Variants in PLXDC2 observed in about 807,000 individuals in gnomAD.
The protein encoded by PLXDC2 is plexin domain-containing protein 2.
In PLXDC2, 40 loss-of-function variants were observed where a neutral mutation model predicts 68.9. The observed-to-expected ratio is 0.58, with a 90% CI of 0.45 to 0.76. The LOEUF (loss-of-function observed/expected upper bound fraction) is 0.76, where lower values mean the gene tolerates loss of function less well. PLXDC2 is among the 30% of genes least tolerant of loss of function. The pLI, the probability that PLXDC2 is intolerant of heterozygous loss-of-function variation, is 0.00. For synonymous variants in PLXDC2, 243 were observed against 234.2 expected (o/e 1.04, Z -0.34); for missense variants, 644 against 661.9 (o/e 0.97, Z 0.30).
intron 4 of PLXDC2, among the ~76,000 whole-genome samples, chr10:20,107,144 A>G (rs1161188738): frequency 6.6e-6 from 1 of 150,890 alleles, no homozygotes; most frequent in Admixed American, 6.6e-5. Flanking sequence ...TATGTATTCT[A>G]CATTATGTAC....
intron 4 of PLXDC2, among the ~76,000 whole-genome samples, chr10:20,098,275 C>A (rs767722748): frequency 2.0e-5 from 3 of 152,032 alleles, no homozygotes; most frequent in South Asian, 4.2e-4. Context: ...AAGACCTTCA[C>A]TTGTGACCAC....
chr10:19,852,888 C>G (rs1383648550), intron 1 of PLXDC2, among the ~76,000 whole-genome samples: 1 of 152,142 alleles, frequency 6.6e-6, no homozygotes, highest in African/African-American at 2.4e-5. Flanking sequence ...TCAAATTGTA[C>G]TGATAGTTCT....
chr10:19,914,907 G>T, intron 1 of PLXDC2, among the ~76,000 whole-genome samples: 1 of 152,198 alleles, frequency 6.6e-6, no homozygotes, highest in Admixed American at 6.5e-5. Flanking sequence ...ACTTTATGTG[G>T]TATTAATGTA....
chr10:20,004,902 G>A (rs1010468627), intron 2 of PLXDC2, among the ~76,000 whole-genome samples: 1 of 152,162 alleles, frequency 6.6e-6, no homozygotes, highest in Non-Finnish European at 1.5e-5. Flanking sequence ...TGGCCCAGGG[G>A]ACTGTTTGGT....
chr10:19,944,498 A>C (rs536582931), intron 1 of PLXDC2, among the ~76,000 whole-genome samples: 100 of 152,318 alleles, frequency 6.6e-4, no homozygotes, highest in Non-Finnish European at 1.1e-3. Context: ...AGGCAAATTA[A>C]ATTGACAGAG....
chr10:20,230,303 T>G (rs1358845366), intron 12 of PLXDC2, among the ~76,000 whole-genome samples: 2 of 152,082 alleles, frequency 1.3e-5, no homozygotes, highest in East Asian at 3.9e-4. Context: ...CTGGAATGCC[T>G]ATATAAATAT....
At chr10:20,162,618 C>G (rs1834320005) in intron 6 of PLXDC2, among the ~76,000 whole-genome samples, 1 of 152,000 alleles carries the variant, frequency 6.6e-6, no homozygotes. Context: ...TTTCCATCTT[C>G]TTGTATGTTT....
chr10:20,049,976 G>C (rs112407213), intron 3 of PLXDC2, among the ~76,000 whole-genome samples: 1 of 152,148 alleles, frequency 6.6e-6, no homozygotes, highest in Non-Finnish European at 1.5e-5. Context: ...CAGGGCTGAA[G>C]TAACCAAAAC....
intron 1 of PLXDC2, among the ~76,000 whole-genome samples, chr10:19,835,861 G>A (rs995219515): frequency 1.1e-4 from 16 of 152,032 alleles, no homozygotes; most frequent in Non-Finnish European, 1.6e-4. Context: ...GGTGGATGAC[G>A]TGCCAGCCTT....
chr10:20,029,356 T>A (rs1021987901), intron 2 of PLXDC2, among the ~76,000 whole-genome samples: 1 of 152,148 alleles, frequency 6.6e-6, no homozygotes, highest in Non-Finnish European at 1.5e-5. Flanking sequence ...ACATAATCCA[T>A]GCATCATGAA....
At chr10:20,153,469 G>A (rs1834176982) in intron 6 of PLXDC2, among the ~76,000 whole-genome samples, 1 of 152,072 alleles carries the variant, frequency 6.6e-6, no homozygotes, top group Non-Finnish European at 1.5e-5. Context: ...ATAACTACCT[G>A]AAGTTTTCAG....
chr10:20,092,923 C>T (rs1166940054), intron 4 of PLXDC2, among the ~76,000 whole-genome samples: 2 of 152,092 alleles, frequency 1.3e-5, no homozygotes, highest in Non-Finnish European at 2.9e-5. Flanking sequence ...CACATTCTCT[C>T]CTAGAACTTC....
intron 12 of PLXDC2, among the ~76,000 whole-genome samples, chr10:20,227,906 G>A (rs1269929497): frequency 6.6e-6 from 1 of 152,128 alleles, no homozygotes; most frequent in Admixed American, 6.5e-5. Flanking sequence ...TAAAAAAAGA[G>A]AATGCACAAG....
chr10:19,918,349 G>A (rs968573075), intron 1 of PLXDC2, among the ~76,000 whole-genome samples: 4 of 152,192 alleles, frequency 2.6e-5, no homozygotes, highest in African/African-American at 9.7e-5. Flanking sequence ...TGCAAAGCAG[G>A]TGGAGCTTCC....
chr10:20,127,000 G>A lies in PLXDC2; in HGVS notation c.542-16295G>A, dbSNP rs1414447397. ...CACTAGGTTGGATGTATAAGGATATGACATTAGCTTGAATCTATAAGTGCT... is the reference window on the plus strand; with the variant it reads ...CACTAGGTTGGATGTATAAGGATATAACATTAGCTTGAATCTATAAGTGCT... On this transcript the variant is annotated intron_variant, in intron 4 of 13. Transcript: ENST00000377252. 3.3e-5 allele frequency among the ~76,000 whole-genome samples: 5 copies of A among 150,954 alleles called. No homozygotes were observed. The South Asian group carries it at 1.0e-3, about 31-fold the overall frequency.
chr10:20,030,240 G>A (rs935436814), intron 2 of PLXDC2, among the ~76,000 whole-genome samples: 5 of 152,032 alleles, frequency 3.3e-5, no homozygotes, highest in Non-Finnish European at 7.4e-5. Context: ...CAAAAAACTG[G>A]ATGGCATTGT....
rs577797925 is a variant in PLXDC2, at chr10:20,016,071, ACT to A, written c.324+14090_324+14091del. 2.9e-3 allele frequency among the ~76,000 whole-genome samples: 440 copies of A among 152,214 alleles called. 5 individuals are homozygous for A. The highest frequency in any genetic ancestry group is 5.0e-3 in the Admixed American group (76 of 15,296). Reference sequence around the variant, plus strand: ...TTTAAATCAAGGTTTGGAAAATTAAACTCTCTGGATATCGCTCCAAACCAAGA... The same window carrying A: ...TTTAAATCAAGGTTTGGAAAATTAAACTCTGGATATCGCTCCAAACCAAGA... On this transcript the variant is annotated intron_variant, in intron 2 of 13. Coordinates refer to ENST00000377252, the MANE Select transcript of PLXDC2 (RefSeq NM_032812.9).
chr10:20,224,655 T>C (rs75658583), intron 12 of PLXDC2, among the ~76,000 whole-genome samples: 187 of 152,306 alleles, frequency 1.2e-3, no homozygotes, highest in African/African-American at 4.3e-3. Flanking sequence ...GTCTAGCAAA[T>C]TGAATTGTGC....
intron 4 of PLXDC2, among the ~76,000 whole-genome samples, chr10:20,120,342 A>G (rs1252536956): frequency 6.6e-6 from 1 of 152,036 alleles, no homozygotes; most frequent in Non-Finnish European, 1.5e-5. Flanking sequence ...TCCTTTTTGA[A>G]TTGGTGGCTG....
Sources: gnomAD v4.1 joint callset for allele counts (sites outside exome capture counted in the v4.1 genomes callset) on GRCh38, gnomAD v4.1.1 for gene constraint, MANE v1.5 for transcripts, NCBI Gene and HGNC (gene_info 2026-07-23, HGNC 2026-07-21) for gene names.